The following TMEM132B variants were observed in gnomAD, a reference collection of about 807,000 sequenced individuals.
TMEM132B encodes transmembrane protein 132B.
A neutral mutation model predicts 90.8 loss-of-function variants in TMEM132B; 18 were observed. The ratio of observed to expected loss-of-function variants is 0.20; its 90% confidence interval spans 0.14 to 0.29. TMEM132B has a LOEUF of 0.29. Among genes scored for constraint, TMEM132B ranks in the 10% least tolerant of loss-of-function variants. TMEM132B has a pLI of 1.00. For missense variants in TMEM132B, 1,096 were observed against 1,326.8 expected (o/e 0.83, Z 2.70); for synonymous variants, 504 against 523.3 (o/e 0.96, Z 0.50).
At chr12:125,333,889 A>G (rs542625876) in intron 1 of TMEM132B, among the ~76,000 whole-genome samples, 1 of 152,206 alleles carries the variant, frequency 6.6e-6, no homozygotes, top group East Asian at 1.9e-4. Flanking sequence ...TGTTGGGAGA[A>G]AGTTGGGGAT....
intron 5 of TMEM132B, among the ~76,000 whole-genome samples, chr12:125,615,981 G>A (rs1885976392): frequency 1.3e-5 from 2 of 152,058 alleles, no homozygotes; most frequent in Non-Finnish European, 2.9e-5. Context: ...TAGGGTACAT[G>A]TGCACAACAT....
Position 125,599,155 on chromosome 12 carries a change from G to A in TMEM132B, c.1437+15161G>A, listed in dbSNP as rs572079121. Among the ~76,000 whole-genome samples, 4 of 152,174 alleles carry A rather than the reference G, an allele frequency of 2.6e-5. No homozygotes were observed. In the East Asian group the frequency reaches 7.7e-4, roughly 29 times the overall value. ...GGGAGGTAACTGAATCAGGGGTGTG[G>A]GTTTTTCCCATGCTCTTCTGGTGAT... On this transcript the variant is annotated intron_variant, in intron 5 of 8. Transcript: ENST00000682704.
intron 6 of TMEM132B, among the ~76,000 whole-genome samples, chr12:125,647,792 C>T (rs946104418): frequency 2.6e-5 from 4 of 151,686 alleles, no homozygotes; most frequent in Non-Finnish European, 5.9e-5. Flanking sequence ...GACTTTCCTT[C>T]GCATCAATTT....
At chr12:125,631,283 A>G (rs1886363437) in intron 5 of TMEM132B, among the ~76,000 whole-genome samples, 1 of 151,920 alleles carries the variant, frequency 6.6e-6, no homozygotes. Flanking sequence ...ATTTCCATGT[A>G]TTTGCATAGT....
intron 1 of TMEM132B, among the ~76,000 whole-genome samples, chr12:125,348,150 C>A (rs1395084641): frequency 6.6e-6 from 1 of 151,702 alleles, no homozygotes; most frequent in Non-Finnish European, 1.5e-5. Flanking sequence ...ATATTGTGGC[C>A]ATCTTTTCAA....
At chr12:125,503,539 T>A (rs557562501) in intron 3 of TMEM132B, among the ~76,000 whole-genome samples, 3 of 152,160 alleles carry the variant, frequency 2.0e-5, no homozygotes, top group Non-Finnish European at 4.4e-5. Flanking sequence ...TTTCTGAAAA[T>A]AAGATTGATG....
intron 5 of TMEM132B, among the ~76,000 whole-genome samples, chr12:125,589,194 T>C (rs1885247899): frequency 6.6e-6 from 1 of 152,042 alleles, no homozygotes; most frequent in Non-Finnish European, 1.5e-5. Flanking sequence ...TATAAAGAAA[T>C]ACCTGAGGCC....
rs73220910 is a variant in TMEM132B at position 125,495,847 on chromosome 12, A to G, written c.1107-23592A>G. On this transcript the variant is annotated intron_variant, in intron 3 of 8. Coordinates refer to ENST00000682704, the MANE Select transcript of TMEM132B (RefSeq NM_001366854.1). ...CATTTGGAATGATGTTGAGGCTGGT[A>G]GGACATTGAGCATTCCTTTGGTGGT... 3.4e-3 allele frequency among the ~76,000 whole-genome samples: 513 copies of G among 152,370 alleles called. 2 individuals carry two copies. The highest frequency in any genetic ancestry group is 0.011 in the South Asian group (52 of 4,822).
Position 125,653,625 on chromosome 12 carries a change from T to C in TMEM132B, c.2167T>C (p.Tyr723His). ...TGGTTCGGTGACACCTTTAGACATT[T>C]ACGATCCTAAGGATTATTCTGTTAC... ...SDGSVTPLDI[Y>H]DPKDYSVTVS... Residue 723 changes from tyrosine (Y) to histidine (H), a missense_variant, in exon 9 of 9, where the codon TAC becomes CAC. Tyr to His is a moderately conservative substitution (Grantham distance 83, BLOSUM62 2). Coordinates refer to ENST00000682704, the MANE Select transcript of TMEM132B (RefSeq NM_001366854.1). The C allele has an allele frequency of 6.2e-7, 1 of 1,614,222 alleles. No homozygotes were observed. Among genetic ancestry groups the C allele is most frequent in the South Asian group, 1.1e-5 (1 of 91,076 alleles).
intron 3 of TMEM132B, among the ~76,000 whole-genome samples, chr12:125,505,780 G>T (rs1436493071): frequency 1.3e-5 from 2 of 151,906 alleles, no homozygotes; most frequent in South Asian, 2.1e-4. Flanking sequence ...CTTTAAGACA[G>T]ACCAATGGAA....
At position 125,619,328 on chromosome 12, in the gene TMEM132B, TTA is replaced by T. The variant is rs936866052; in HGVS notation, c.1438-24744_1438-24743del. Among the ~76,000 whole-genome samples, 27 of 134,400 alleles carry T rather than the reference TTA, an allele frequency of 2.0e-4. 1 individual carries two copies. In the South Asian group the frequency reaches 3.1e-3, roughly 15 times the overall value. The allele number at this position is 134,400 out of a possible 152,430, so 88.2% of individuals were successfully genotyped here. ...ACCACCTGCCTGCTGTGGCATTTAT[TTA>T]TATTTATTTATTTATTTATTTATTT... On this transcript the variant is annotated intron_variant, in intron 5 of 8. Coordinates refer to ENST00000682704, the MANE Select transcript of TMEM132B (RefSeq NM_001366854.1).
intron 3 of TMEM132B, among the ~76,000 whole-genome samples, chr12:125,501,280 G>A (rs1471274004): frequency 1.3e-5 from 2 of 152,198 alleles, no homozygotes; most frequent in Non-Finnish European, 2.9e-5. Context: ...ATGCAATACT[G>A]TTCTCTGTTC....
intron 1 of TMEM132B, among the ~76,000 whole-genome samples, chr12:125,260,907 C>T (rs1402271752): frequency 7.1e-6 from 1 of 141,426 alleles, no homozygotes; most frequent in East Asian, 2.1e-4. Flanking sequence ...CAGAGCGAGA[C>T]CCTGTCTCTA....
At chr12:125,448,964 CTTTT>C (rs368984381) in intron 3 of TMEM132B, among the ~76,000 whole-genome samples, 10 of 124,732 alleles carry the variant, frequency 8.0e-5, no homozygotes, top group African/African-American at 3.0e-4. Context: ...ATTCATATAT[CTTTT>C]TTTTTTTTTT....
intron 2 of TMEM132B, among the ~76,000 whole-genome samples, chr12:125,400,286 A>G (rs1879282673): frequency 6.6e-6 from 1 of 152,234 alleles, no homozygotes; most frequent in Non-Finnish European, 1.5e-5. Flanking sequence ...CTGAGCAATG[A>G]GACGGGAGAG....
At chr12:125,608,505 C>T (rs2136937325) in intron 5 of TMEM132B, among the ~76,000 whole-genome samples, 1 of 152,222 alleles carries the variant, frequency 6.6e-6, no homozygotes, top group African/African-American at 2.4e-5. Flanking sequence ...AATATTTTCT[C>T]CCATCCCGTG....
At chr12:125,653,443 G>T in intron 8 of TMEM132B, 122 bp from the exon 9 acceptor site, 1 of 1,161,834 alleles carries the variant, frequency 8.6e-7, no homozygotes, top group Non-Finnish European at 1.2e-6. Flanking sequence ...AACTGTTCAA[G>T]ATTATAAAAC....
intron 3 of TMEM132B, among the ~76,000 whole-genome samples, chr12:125,474,668 T>C (rs1881822942): frequency 6.6e-6 from 1 of 152,044 alleles, no homozygotes; most frequent in Non-Finnish European, 1.5e-5. Flanking sequence ...AACAGAAAAA[T>C]CAGTTGAAAC....
chr12:125,301,080 A>T (rs539660269), intron 1 of TMEM132B: 1 of 152,214 alleles, frequency 6.6e-6, no homozygotes. Context: ...TATTTAAAAA[A>T]TTTCTTTAGT....
Sources: gnomAD v4.1 joint callset for allele counts (sites outside exome capture counted in the v4.1 genomes callset) on GRCh38, gnomAD v4.1.1 for gene constraint, MANE v1.5 for transcripts, NCBI Gene and HGNC (gene_info 2026-07-23, HGNC 2026-07-21) for gene names.